SLC7A10: variants seen among roughly 807,000 people sequenced by gnomAD.
SLC7A10 encodes the protein asc-type amino acid transporter 1.
Under a neutral mutation model 52.7 loss-of-function variants are expected in SLC7A10, and 30 were observed. That is an observed-to-expected ratio of 0.57 (90% CI 0.43 to 0.77). SLC7A10 has a LOEUF of 0.77. Ranked by LOEUF, SLC7A10 falls within the 30% of genes least tolerant of loss-of-function variation. The probability of loss-of-function intolerance (pLI) is 0.00; values close to 1 mark genes in which losing one functional copy is unlikely to be tolerated. For synonymous variants in SLC7A10, 318 were observed against 314.9 expected (o/e 1.01, Z -0.10); for missense variants, 581 against 698.5 (o/e 0.83, Z 1.90).
intron 1 of SLC7A10, chr19:33,221,054 A>G (rs1202334336): frequency 6.6e-6 from 1 of 152,236 alleles, no homozygotes; most frequent in Non-Finnish European, 1.5e-5. Context: ...CCTCTTCTCC[A>G]TAGTGGGCCC....
At chr19:33,218,683 T>TTCTTTCTTTC (rs1291591113) in intron 1 of SLC7A10, among the ~76,000 whole-genome samples, 1 of 31,910 alleles carries the variant, frequency 3.1e-5, no homozygotes, top group African/African-American at 8.8e-5. Flanking sequence ...CTTTCTTTCT[T>TTCTTTCTTTC]TTTTTTTTTT....
At chr19:33,219,337 G>A (rs1312959203) in intron 1 of SLC7A10, among the ~76,000 whole-genome samples, 2 of 152,216 alleles carry the variant, frequency 1.3e-5, no homozygotes, top group African/African-American at 2.4e-5. Flanking sequence ...ATTGTTCCCC[G>A]TGGCCGCTGC....
At chr19:33,209,714 G>A (rs537603097) in intron 9 of SLC7A10, among the ~76,000 whole-genome samples, 25 of 152,318 alleles carry the variant, frequency 1.6e-4, no homozygotes, top group African/African-American at 5.5e-4. Flanking sequence ...CAGCGGCACC[G>A]AGCTCCACAC....
chr19:33,214,833 G>C (rs1260363761), intron 2 of SLC7A10, among the ~76,000 whole-genome samples: 1 of 152,154 alleles, frequency 6.6e-6, no homozygotes, highest in Non-Finnish European at 1.5e-5. Context: ...CCATTTAAGG[G>C]GCTGCTTCCT....
At chr19:33,212,693 C>T in intron 3 of SLC7A10, 54 bp from the exon 4 acceptor site, 3 of 1,612,772 alleles carry the variant, frequency 1.9e-6, no homozygotes, top group Non-Finnish European at 2.5e-6. Context: ...CACAGTGGAC[C>T]ATGGCCAAGT....
intron 1 of SLC7A10, chr19:33,220,025 C>T (rs1368935030): frequency 6.6e-5 from 10 of 152,348 alleles, no homozygotes; most frequent in Admixed American, 6.5e-4. Flanking sequence ...ACCCCAACAC[C>T]CCGGGGTGAT....
At chr19:33,215,287 A>C (rs1974646717) in intron 2 of SLC7A10, among the ~76,000 whole-genome samples, 1 of 141,690 alleles carries the variant, frequency 7.1e-6, no homozygotes, top group Non-Finnish European at 1.5e-5. Context: ...AAAAAAAAAA[A>C]GGACCTTATG....
rs1974577227 is a variant in SLC7A10 at position 33,212,496 on chromosome 19, AC to A, written c.634+17del. On this transcript the variant is annotated intron_variant, in intron 4 of 10. Coordinates refer to ENST00000253188, the MANE Select transcript of SLC7A10 (RefSeq NM_019849.3). ...GCACCATCTCCCCAGCCCGGCCCTTACCCCGACTCGGCCCTACCTTGGAAGA... is the reference window on the plus strand; with the variant it reads ...GCACCATCTCCCCAGCCCGGCCCTTACCCGACTCGGCCCTACCTTGGAAGA... The A allele has an allele frequency of 1.2e-6, 2 of 1,613,800 alleles. No homozygotes were observed. Among genetic ancestry groups the A allele is most frequent in the Non-Finnish European group, 1.7e-6 (2 of 1,180,016 alleles).
intron 7 of SLC7A10, 27 bp downstream of exon 7, chr19:33,211,198 A>G (rs1352165554): frequency 6.2e-7 from 1 of 1,605,542 alleles, no homozygotes. Flanking sequence ...TTCCCTCCCC[A>G]TGCCCACGTC....
chr19:33,223,557 C>G (rs1373232573), intron 1 of SLC7A10, among the ~76,000 whole-genome samples: 2 of 151,854 alleles, frequency 1.3e-5, no homozygotes, highest in African/African-American at 4.8e-5. Context: ...CCTCACCTGC[C>G]CAGTCCCCAC....
intron 1 of SLC7A10, among the ~76,000 whole-genome samples, chr19:33,223,335 AAAAG>A (rs1216929081): frequency 2.0e-5 from 3 of 151,870 alleles, no homozygotes; most frequent in East Asian, 1.9e-4. Context: ...AAAAGAAAGA[AAAAG>A]AAAGGAAAGG....
At chr19:33,222,020 T>A (rs1974820233) in intron 1 of SLC7A10, among the ~76,000 whole-genome samples, 1 of 152,174 alleles carries the variant, frequency 6.6e-6, no homozygotes, top group Non-Finnish European at 1.5e-5. Context: ...TGAAGCCTAG[T>A]TGGACAAGCT....
intron 1 of SLC7A10, among the ~76,000 whole-genome samples, chr19:33,222,360 C>T (rs1303398053): frequency 6.7e-6 from 1 of 150,144 alleles, no homozygotes; most frequent in African/African-American, 2.5e-5. Flanking sequence ...GATCATGCCA[C>T]TGCACTATAG....
Position 33,212,538 on chromosome 19 carries a change from C to G in SLC7A10, c.610G>C (p.Val204Leu). 6.2e-7 allele frequency: 1 copy of G among 1,614,042 alleles called. No homozygotes were observed. The highest frequency in any genetic ancestry group is 1.1e-5 in the South Asian group (1 of 91,086). Reference sequence around the variant, plus strand: ...CCTTGGAAGATCTGGAGAAGGCCCACGCCGATGATGAGGGACAAGGCCAGC... The same window carrying G: ...CCTTGGAAGATCTGGAGAAGGCCCAGGCCGATGATGAGGGACAAGGCCAGC... ...KLLALSLIIG[V>L]GLLQIFQGHF... The change falls in exon 4 of 11, where the codon GTG (valine) becomes CTG (leucine). Residue 204 changes from valine (V) to leucine (L), a missense_variant. Transcript: ENST00000253188.
chr19:33,208,850 A>G lies in SLC7A10; in HGVS notation c.*41T>C. ...TGCCAAAACACCTCCTCAATAAACA[A>G]CATGTAAACAGAAACAACTGCTTCA... On this transcript the variant is annotated 3_prime_UTR_variant, in exon 11 of 11. Transcript: ENST00000253188. This position sits in a 1 kb window ranked among gnomAD's most constrained non-coding sequence, Gnocchi z 4.7. 6.2e-7 allele frequency: 1 copy of G among 1,612,046 alleles called. No individual in the cohort carries two copies. Among genetic ancestry groups the G allele is most frequent in the South Asian group, 1.1e-5 (1 of 91,024 alleles).
At chr19:33,213,404 TC>T (rs1974602240) in intron 2 of SLC7A10, among the ~76,000 whole-genome samples, 1 of 151,866 alleles carries the variant, frequency 6.6e-6, no homozygotes. Context: ...TTCTTCTGCC[TC>T]AGTCTCCCAA....
In SLC7A10 at chr19:33,225,829, C is replaced by T. The variant is rs1042055856; in HGVS notation, c.-126G>A. 9 of 1,141,182 alleles carry T rather than the reference C, an allele frequency of 7.9e-6. No homozygotes were observed. Among genetic ancestry groups the T allele is most frequent in the African/African-American group, 3.3e-5 (2 of 60,972 alleles). The allele number at this position is 1,141,182 out of a possible 1,614,324, so 70.7% of individuals were successfully genotyped here. On this transcript the variant is annotated 5_prime_UTR_variant, in exon 1 of 11. Transcript: ENST00000253188. Reference sequence around the variant, plus strand: ...GACAGCGCCCACAGGCGGGCGCATGCGCTGGCTCCGGGCCCGGGACTGGGG... The same window carrying T: ...GACAGCGCCCACAGGCGGGCGCATGTGCTGGCTCCGGGCCCGGGACTGGGG...
intron 1 of SLC7A10, chr19:33,220,096 G>C (rs1170588747): frequency 6.6e-6 from 1 of 152,160 alleles, no homozygotes. Context: ...ACATCCTCAC[G>C]GTAAGCCTGT....
chr19:33,214,814 G>A (rs8105889), intron 2 of SLC7A10, among the ~76,000 whole-genome samples: 8,230 of 152,286 alleles, frequency 0.054, 743 homozygotes, highest in African/African-American at 0.19. Context: ...GCTCATCCAG[G>A]CCTTAATCCC....
Sources: gnomAD v4.1 joint callset for allele counts (sites outside exome capture counted in the v4.1 genomes callset) on GRCh38, gnomAD v4.1.1 for gene constraint, Gnocchi (gnomAD v3.1) non-coding constraint, MANE v1.5 for transcripts, NCBI Gene and HGNC (gene_info 2026-07-23, HGNC 2026-07-21) for gene names.